Variants in DEPDC1 observed in about 807,000 individuals in gnomAD.
The protein encoded by DEPDC1 is DEP domain containing 1.
Under a neutral mutation model 86.8 loss-of-function variants are expected in DEPDC1, and 66 were observed. The observed-to-expected ratio is 0.76, with a 90% CI of 0.62 to 0.93. The LOEUF (loss-of-function observed/expected upper bound fraction) is 0.93. DEPDC1 is among the 40% of genes least tolerant of loss of function. The probability of loss-of-function intolerance (pLI) is 0.00; values close to 1 mark genes in which losing one functional copy is unlikely to be tolerated. For missense variants in DEPDC1, 792 were observed against 935.7 expected, an observed-to-expected ratio of 0.85 and a Z score of 2.00; for synonymous variants, 255 against 314.9, an observed-to-expected ratio of 0.81 and a Z score of 2.02.
Position 68,486,881 on chromosome 1 carries a change from A to AACACACACACAC in DEPDC1, c.769+44_769+55dup, listed in dbSNP as rs55915411. The AACACACACACAC allele has an allele frequency of 1.4e-5, 16 of 1,177,440 alleles. No individual in the cohort carries two copies. In the African/African-American group the frequency reaches 2.3e-4, roughly 17 times the overall value. 72.9% of individuals were successfully genotyped at this position (1,177,440 alleles called of 1,614,324 possible). A position where few individuals can be genotyped will look rare whatever the true frequency, so the allele number is the denominator to read the frequency against. The stretch of plus-strand genomic sequence containing the variant: ...GGTTCTTGTTAAATACTATCAATAT[A>AACACACACACAC]ACACACACACACACACACACACACA... On this transcript the variant is annotated intron_variant, in intron 6 of 11. Transcript: ENST00000456315.
chr1:68,494,621 G>C lies in DEPDC1; in HGVS notation c.123C>G (p.Gly41=), dbSNP rs1646252387. 1 of 1,613,460 alleles carries C rather than the reference G, an allele frequency of 6.2e-7. No homozygotes were observed. Among genetic ancestry groups the C allele is most frequent in the African/African-American group, 1.3e-5 (1 of 74,876 alleles). The change falls in exon 2 of 12, where the codon GGC becomes GGG. Residue 41 remains glycine, a synonymous_variant. Coordinates refer to ENST00000456315, the MANE Select transcript of DEPDC1 (RefSeq NM_001114120.3). ...RKHRQHFKKY[G]NCFTAGEAVD... The stretch of plus-strand genomic sequence containing the variant: ...CTGCTTCTCCTGCTGTGAAACAATT[G>C]CCATATTTTTTAAAGTGTTGTCTGT...
At position 68,495,733 on chromosome 1, in the gene DEPDC1, T is replaced by G. The variant is rs551778086; in HGVS notation, c.49-1038A>C. 9.9e-5 allele frequency among the ~76,000 whole-genome samples: 15 copies of G among 152,274 alleles called. No homozygotes were observed. The South Asian group carries it at 3.1e-3, about 32-fold the overall frequency. On this transcript the variant is annotated intron_variant, in intron 1 of 11. Transcript: ENST00000456315. ...TTCCCAGCTCTAGCTCTGCCACTAT[T>G]GTTTATGACTTTTTGGGCCTATCTT...
chr1:68,491,588 T>A (rs893324713), intron 2 of DEPDC1, among the ~76,000 whole-genome samples: 7 of 152,094 alleles, frequency 4.6e-5, no homozygotes, highest in East Asian at 3.9e-4. Context: ...ACTCCTTTTT[T>A]AAAAAAAATG....
chr1:68,480,556 C>A (rs1007011497), intron 9 of DEPDC1, among the ~76,000 whole-genome samples: 1 of 151,876 alleles, frequency 6.6e-6, no homozygotes, highest in South Asian at 2.1e-4. Context: ...CTTCACCTGG[C>A]TCATATTTCC....
chr1:68,495,698 T>C (rs1646260234), intron 1 of DEPDC1, among the ~76,000 whole-genome samples: 1 of 152,184 alleles, frequency 6.6e-6, no homozygotes, highest in South Asian at 2.1e-4. Context: ...GTTAGACTAG[T>C]AGGGCTGGTT....
chr1:68,484,837 G>A (rs1571199494), intron 6 of DEPDC1, among the ~76,000 whole-genome samples: 1 of 151,714 alleles, frequency 6.6e-6, no homozygotes, highest in African/African-American at 2.4e-5. Flanking sequence ...CCATGAAGGC[G>A]GGGCCAGAAA....
In DEPDC1 at chr1:68,478,436, G is replaced by A. The variant is rs1571193001; in HGVS notation, c.2113-464C>T. On this transcript the variant is annotated intron_variant, in intron 10 of 11. Transcript: ENST00000456315. ...TATTTACTGAAATGAAATATTTTTA[G>A]TTTTCATGTATTTTTTTTTTTTTTG... Among the ~76,000 whole-genome samples, 4 of 129,734 alleles carry A rather than the reference G, an allele frequency of 3.1e-5. No individual in the cohort carries two copies. The Admixed American group carries it at 3.1e-4, about 10-fold the overall frequency. 85.1% of individuals were successfully genotyped at this position (129,734 alleles called of 152,430 possible).
chr1:68,497,040 G>T lies in DEPDC1; in HGVS notation c.-41C>A. 1 of 1,606,884 alleles carries T rather than the reference G, an allele frequency of 6.2e-7. No homozygotes were observed. The highest frequency in any genetic ancestry group is 1.1e-5 in the South Asian group (1 of 90,822). On this transcript the variant is annotated 5_prime_UTR_variant, in exon 1 of 12. Coordinates refer to ENST00000456315, the MANE Select transcript of DEPDC1 (RefSeq NM_001114120.3). ...CGGTGGCGTCCATGGCGGCGAAGGC[G>T]ACACTCAGGCCCAGCGGCCGCGGCA...
At chr1:68,481,385 TTTG>T in intron 9 of DEPDC1, 52 bp downstream of exon 9, 2 of 1,504,020 alleles carry the variant, frequency 1.3e-6, no homozygotes, top group Non-Finnish European at 1.8e-6. Flanking sequence ...GTAGTTTGGT[TTTG>T]TTATTTTGGT....
intron 1 of DEPDC1, 42 bp from the exon 2 acceptor site, chr1:68,494,737 A>G: frequency 6.7e-7 from 1 of 1,490,656 alleles, no homozygotes. Context: ...TTGAAGAAAA[A>G]TTAAATCTCA....
intron 11 of DEPDC1, among the ~76,000 whole-genome samples, 172 bp from the exon 12 acceptor site, chr1:68,477,241 A>G (rs1457570453): frequency 2.6e-5 from 4 of 151,694 alleles, no homozygotes; most frequent in African/African-American, 9.7e-5. Context: ...ATACTATAAG[A>G]TCTCTTAGAT....
At chr1:68,490,470 A>G (rs34572445) in intron 2 of DEPDC1, among the ~76,000 whole-genome samples, 5,777 of 152,250 alleles carry the variant, frequency 0.038, 185 homozygotes, top group Non-Finnish European at 0.056. Context: ...TCCATGGTGT[A>G]TATGTACACA....
Position 68,479,302 on chromosome 1 carries a change from G to A in DEPDC1, c.1954C>T (p.Arg652Ter), listed in dbSNP as rs769689855. 2.5e-6 allele frequency: 4 copies of A among 1,601,370 alleles called. No individual in the cohort carries two copies. The highest frequency in any genetic ancestry group is 1.7e-5 in the Admixed American group (1 of 57,548). The change falls in exon 10 of 12, where the codon CGA becomes TGA. Residue 652 changes from arginine to a stop codon, truncating the protein, a stop_gained. Coordinates refer to ENST00000456315, the MANE Select transcript of DEPDC1 (RefSeq NM_001114120.3). LOFTEE classifies it high-confidence loss of function. ...TRSLMIHTFS[R>*]CVLCCAEEVD... ...TCTTCAGCACAGCATAACACACATC[G>A]AGAAAAGGTATGTATCATCTAGAAA...
intron 10 of DEPDC1, 106 bp downstream of exon 10, chr1:68,479,038 G>T: frequency 1.1e-6 from 1 of 943,782 alleles, no homozygotes; most frequent in Non-Finnish European, 1.6e-6. Context: ...TTTAGAGGTT[G>T]TTTATGGGAG....
chr1:68,490,644 T>C (rs1483904812), intron 2 of DEPDC1, among the ~76,000 whole-genome samples: 1 of 152,146 alleles, frequency 6.6e-6, no homozygotes, highest in Non-Finnish European at 1.5e-5. Flanking sequence ...GGTTAAATGG[T>C]AGTTTTGGTT....
chr1:68,489,384 T>G, intron 3 of DEPDC1, 68 bp downstream of exon 3: 1 of 1,136,066 alleles, frequency 8.8e-7, no homozygotes, highest in Non-Finnish European at 1.2e-6. Context: ...TAATTTACTT[T>G]TAATGATTCT....
Position 68,482,774 on chromosome 1 carries a change from A to G in DEPDC1, c.1034T>C (p.Leu345Pro). 2 of 1,612,746 alleles carry G rather than the reference A, an allele frequency of 1.2e-6. No homozygotes were observed. Among genetic ancestry groups the G allele is most frequent in the Non-Finnish European group, 1.7e-6 (2 of 1,179,250 alleles). The change falls in exon 8 of 12, where the codon CTT becomes CCT. Residue 345 changes from leucine (L) to proline (P), a missense_variant. Coordinates refer to ENST00000456315, the MANE Select transcript of DEPDC1 (RefSeq NM_001114120.3). ...TTCTCTATGAAGCAGACTGAGAAGA[A>G]GGCACTCAGTTGATTTGAAGGAATT... ...NLNSFKSTEC[L>P]LLSLLHREKN...
chr1:68,494,870 C>T (rs1320278723), intron 1 of DEPDC1, among the ~76,000 whole-genome samples, 175 bp from the exon 2 acceptor site: 1 of 152,114 alleles, frequency 6.6e-6, no homozygotes, highest in Non-Finnish European at 1.5e-5. Flanking sequence ...TGGCCGGGCA[C>T]GGTGGCTCAT....
chr1:68,494,740 A>C lies in DEPDC1; in HGVS notation c.49-45T>G, dbSNP rs1368205623. ...ATTTTTAAAAAATTGAAGAAAAATT[A>C]AATCTCATATTGATTTGAAGTACAT... On this transcript the variant is annotated intron_variant, in intron 1 of 11. Coordinates refer to ENST00000456315, the MANE Select transcript of DEPDC1 (RefSeq NM_001114120.3). 5.4e-6 allele frequency: 8 copies of C among 1,487,492 alleles called. No homozygotes were observed. In the African/African-American group the frequency reaches 9.9e-5, roughly 18 times the overall value. 92.1% of individuals were successfully genotyped at this position (1,487,492 alleles called of 1,614,324 possible).
Sources: gnomAD v4.1 joint callset for allele counts (sites outside exome capture counted in the v4.1 genomes callset) on GRCh38, gnomAD v4.1.1 for gene constraint, MANE v1.5 for transcripts, NCBI Gene and HGNC (gene_info 2026-07-23, HGNC 2026-07-21) for gene names.